Variants in CLECL1 observed in about 807,000 individuals in gnomAD.
CLECL1 encodes C-type lectin like 1.
chr12:9,731,269 AT>A (rs1866444191), intron 1 of CLECL1, among the ~76,000 whole-genome samples: 1 of 152,182 alleles, frequency 6.6e-6, no homozygotes, highest in Non-Finnish European at 1.5e-5. Context: ...CGATTCATTT[AT>A]TTATTCAGCC....
downstream of CLECL1, chr12:9,718,710 G>C (rs1866269163): frequency 1.4e-6 from 1 of 700,328 alleles, no homozygotes; most frequent in African/African-American, 1.8e-5. Context: ...TGGATACACA[G>C]AGACATCAGA....
chr12:9,732,300 A>C (rs954084018), intron 1 of CLECL1, among the ~76,000 whole-genome samples: 3 of 152,232 alleles, frequency 2.0e-5, no homozygotes, highest in Non-Finnish European at 4.4e-5. Flanking sequence ...AAATGTAACA[A>C]GACAGAGAAA....
downstream of CLECL1, among the ~76,000 whole-genome samples, chr12:9,711,742 C>T (rs1348395714): frequency 6.6e-6 from 1 of 152,022 alleles, no homozygotes; most frequent in Non-Finnish European, 1.5e-5. Flanking sequence ...TGTACCTCTT[C>T]TTATCTGTGC....
chr12:9,726,745 G>A (rs1044477322), intron 3 of CLECL1, among the ~76,000 whole-genome samples: 2 of 151,936 alleles, frequency 1.3e-5, no homozygotes, highest in Non-Finnish European at 2.9e-5. Context: ...AGATTTGGAA[G>A]CATTTAAAGC....
the CLECL1 span, among the ~76,000 whole-genome samples, chr12:9,703,569 A>G: frequency 6.6e-6 from 1 of 151,894 alleles, no homozygotes; most frequent in Admixed American, 6.6e-5. Flanking sequence ...TAATTTTTGA[A>G]TTTTTTGTAG....
At chr12:9,705,512 C>T in the CLECL1 span, among the ~76,000 whole-genome samples, 1 of 152,040 alleles carries the variant, frequency 6.6e-6, no homozygotes, top group Non-Finnish European at 1.5e-5. Context: ...CTTAGGTTTT[C>T]TTCTATGGTT....
At chr12:9,728,159 G>C (rs1387863568) in intron 2 of CLECL1, among the ~76,000 whole-genome samples, 3 of 151,704 alleles carry the variant, frequency 2.0e-5, no homozygotes, top group Non-Finnish European at 4.4e-5. Flanking sequence ...CTGCAACGAA[G>C]AAAATATTTG....
chr12:9,710,374 G>A, the CLECL1 span, among the ~76,000 whole-genome samples: 140,447 of 151,874 alleles, frequency 0.92, 64,988 homozygotes, highest in East Asian at 0.97. Flanking sequence ...CCCTGTCAGT[G>A]GGAAGCAGCT....
downstream of CLECL1, among the ~76,000 whole-genome samples, chr12:9,712,403 C>A (rs749358113): frequency 1.3e-5 from 2 of 152,340 alleles, no homozygotes; most frequent in East Asian, 1.9e-4. Flanking sequence ...ATGTACTCCT[C>A]CAAACTCACA....
downstream of CLECL1, among the ~76,000 whole-genome samples, chr12:9,718,147 A>G (rs988088515): frequency 2.6e-5 from 4 of 152,026 alleles, no homozygotes; most frequent in Admixed American, 2.0e-4. Context: ...TTTCTAGTTT[A>G]ATTTTATTAT....
downstream of CLECL1, among the ~76,000 whole-genome samples, chr12:9,712,861 TA>T (rs1866209749): frequency 6.6e-6 from 1 of 152,118 alleles, no homozygotes; most frequent in African/African-American, 2.4e-5. Flanking sequence ...ATCAGAAGAC[TA>T]AAAAGGACCC....
At chr12:9,734,051 T>G (rs1437120374), upstream of CLECL1, among the ~76,000 whole-genome samples, 2 of 152,246 alleles carry the variant, frequency 1.3e-5, no homozygotes, top group African/African-American at 4.8e-5. Flanking sequence ...AAATGTCAGA[T>G]ATGAAAAATG....
At chr12:9,703,733 CAT>C in the CLECL1 span, among the ~76,000 whole-genome samples, 22 of 136,358 alleles carry the variant, frequency 1.6e-4, no homozygotes, top group Admixed American at 2.9e-4. Flanking sequence ...CACTTGCCCG[CAT>C]ATATATATAT....
chr12:9,717,868 G>GT (rs776897374), downstream of CLECL1, among the ~76,000 whole-genome samples: 116 of 149,132 alleles, frequency 7.8e-4, no homozygotes, highest in Middle Eastern at 3.5e-3. Flanking sequence ...TTCTTTTTCT[G>GT]TTTTTTTTTC....
intron 3 of CLECL1, among the ~76,000 whole-genome samples, chr12:9,727,203 A>G (rs1394658044): frequency 6.6e-6 from 1 of 151,844 alleles, no homozygotes; most frequent in Admixed American, 6.6e-5. Context: ...AATATGTAAT[A>G]ACGTTAAAAA....
At chr12:9,725,478 C>T (rs1245086638) in intron 3 of CLECL1, among the ~76,000 whole-genome samples, 2 of 152,036 alleles carry the variant, frequency 1.3e-5, no homozygotes, top group Non-Finnish European at 1.5e-5. Flanking sequence ...ATAAAAACTA[C>T]AGTTTCACTT....
the CLECL1 span, among the ~76,000 whole-genome samples, chr12:9,706,011 G>T: frequency 6.6e-6 from 1 of 152,188 alleles, no homozygotes; most frequent in Non-Finnish European, 1.5e-5. Flanking sequence ...CATAAGCATG[G>T]AATGTTTTTC....
the CLECL1 span, among the ~76,000 whole-genome samples, chr12:9,703,497 C>T: frequency 6.6e-6 from 1 of 151,940 alleles, no homozygotes; most frequent in Non-Finnish European, 1.5e-5. Context: ...CAAACTCTGG[C>T]GATCCTCTCA....
At chr12:9,731,105 T>C in intron 1 of CLECL1, among the ~76,000 whole-genome samples, 1 of 152,248 alleles carries the variant, frequency 6.6e-6, no homozygotes, top group East Asian at 1.9e-4. Flanking sequence ...TTAGGCCTCC[T>C]AAGTAAGATT....
Sources: allele counts gnomAD v4.1 joint callset (sites outside exome capture counted in the v4.1 genomes callset), GRCh38; gene constraint gnomAD v4.1.1; transcripts MANE v1.5; gene names NCBI Gene and HGNC (gene_info 2026-07-23, HGNC 2026-07-21).